Variants in ROBO2 observed in about 807,000 individuals in gnomAD.
ROBO2 encodes the protein roundabout homolog 2.
Under a neutral mutation model 160.8 loss-of-function variants are expected in ROBO2, and 53 were observed. That is an observed-to-expected ratio of 0.33 (90% CI 0.26 to 0.41). ROBO2 has a LOEUF of 0.41. ROBO2 is among the 10% of genes least tolerant of loss of function. The pLI, the probability that ROBO2 is intolerant of heterozygous loss-of-function variation, is 1.00. For missense variants in ROBO2, 1,577 were observed against 1,722.4 expected (o/e 0.92, Z 1.49); for synonymous variants, 664 against 611.7 (o/e 1.09, Z -1.26).
rs549289669 is a variant in ROBO2 at position 76,430,221 on chromosome 3, C to A, written c.109+492619C>A. Among the ~76,000 whole-genome samples, 65 of 152,234 alleles carry A rather than the reference C, an allele frequency of 4.3e-4. 1 individual carries two copies. Among genetic ancestry groups the A allele is most frequent in the African/African-American group, 1.5e-3 (63 of 41,540 alleles). ...AATCTATCAAGGTTTCCACCCACTA[C>A]CTTGGACAGGGTAGATCTTATAATG... On this transcript the variant is annotated intron_variant, in intron 2 of 26. Transcript: ENST00000487694.
At chr3:76,876,626 G>C (rs1559638259) in intron 2 of ROBO2, among the ~76,000 whole-genome samples, 1 of 151,584 alleles carries the variant, frequency 6.6e-6, no homozygotes, top group African/African-American at 2.4e-5. Context: ...AGTGAGCCGA[G>C]ATCATGCCAC....
chr3:77,381,900 G>A (rs2073522245), intron 2 of ROBO2, among the ~76,000 whole-genome samples: 1 of 152,074 alleles, frequency 6.6e-6, no homozygotes, highest in Admixed American at 6.6e-5. Context: ...TGGGGGGTGA[G>A]GGGCTATGTG....
chr3:76,145,384 G>A (rs996856548), intron 2 of ROBO2, among the ~76,000 whole-genome samples: 4 of 151,994 alleles, frequency 2.6e-5, no homozygotes, highest in Non-Finnish European at 5.9e-5. Context: ...TACAAATATG[G>A]TAAATTGAAC....
chr3:77,419,964 G>A (rs1002890200), intron 2 of ROBO2, among the ~76,000 whole-genome samples: 3 of 151,970 alleles, frequency 2.0e-5, no homozygotes, highest in Non-Finnish European at 4.4e-5. Flanking sequence ...CTTCTGAATC[G>A]AAGTTTCAGG....
At chr3:77,344,107 A>G (rs1212455358) in intron 2 of ROBO2, among the ~76,000 whole-genome samples, 2 of 152,140 alleles carry the variant, frequency 1.3e-5, no homozygotes, top group East Asian at 1.9e-4. Context: ...TTGATATAGC[A>G]GGATGGGCTA....
At chr3:76,802,954 C>T (rs538298053) in intron 2 of ROBO2, among the ~76,000 whole-genome samples, 1 of 152,090 alleles carries the variant, frequency 6.6e-6, no homozygotes, top group African/African-American at 2.4e-5. Context: ...GGAAGGCTAT[C>T]TAGATAGTTG....
chr3:76,823,492 G>T lies in ROBO2; in HGVS notation c.110-274522G>T, dbSNP rs374530993. ...ATATCTAGGTGTTCAAGACAGGAGG[G>T]TTCTCACTCAGAAATTGATATTTGG... On this transcript the variant is annotated intron_variant, in intron 2 of 26. Transcript: ENST00000487694. Among the ~76,000 whole-genome samples, 42 of 152,224 alleles carry T rather than the reference G, an allele frequency of 2.8e-4. No homozygotes were observed. In the South Asian group the frequency reaches 2.9e-3, roughly 11 times the overall value.
At chr3:76,950,759 C>T (rs941259011) in intron 2 of ROBO2, among the ~76,000 whole-genome samples, 5 of 152,142 alleles carry the variant, frequency 3.3e-5, no homozygotes. Context: ...CAGGTTCTCA[C>T]TCTGTTGCCC....
chr3:77,607,129 G>A (rs1454196259), intron 20 of ROBO2, among the ~76,000 whole-genome samples: 2 of 152,116 alleles, frequency 1.3e-5, no homozygotes, highest in East Asian at 3.9e-4. Flanking sequence ...GAATGCCACT[G>A]AAACTGATTA....
At chr3:77,258,385 A>G (rs1400489101) in intron 2 of ROBO2, among the ~76,000 whole-genome samples, 1 of 152,174 alleles carries the variant, frequency 6.6e-6, no homozygotes, top group Admixed American at 6.6e-5. Flanking sequence ...CTAATTGTAT[A>G]TTCCTCCCCA....
intron 1 of ROBO2, among the ~76,000 whole-genome samples, chr3:77,077,692 T>A (rs1446212925): frequency 6.6e-6 from 1 of 152,198 alleles, no homozygotes; most frequent in Non-Finnish European, 1.5e-5. Flanking sequence ...TTTTTCAGAG[T>A]AGCATGCAGT....
intron 2 of ROBO2, among the ~76,000 whole-genome samples, chr3:76,703,493 C>G (rs1425419034): frequency 6.6e-6 from 1 of 152,054 alleles, no homozygotes; most frequent in African/African-American, 2.4e-5. Flanking sequence ...TTAGGTATTT[C>G]TCCTAATGCT....
intron 2 of ROBO2, among the ~76,000 whole-genome samples, chr3:77,278,790 T>C (rs1046577918): frequency 6.6e-6 from 1 of 152,048 alleles, no homozygotes; most frequent in Non-Finnish European, 1.5e-5. Flanking sequence ...TTGCCAGTTG[T>C]GGAGATAGTA....
intron 2 of ROBO2, among the ~76,000 whole-genome samples, chr3:76,300,583 A>G (rs1709304490): frequency 6.6e-6 from 1 of 152,026 alleles, no homozygotes; most frequent in Non-Finnish European, 1.5e-5. Context: ...TTAATTAACA[A>G]ATTCTTCTAC....
chr3:76,246,612 T>C (rs1343041914), intron 2 of ROBO2, among the ~76,000 whole-genome samples: 1 of 152,120 alleles, frequency 6.6e-6, no homozygotes, highest in Non-Finnish European at 1.5e-5. Flanking sequence ...TTAGTATTAT[T>C]CCCTAGAAGT....
At chr3:76,400,527 T>A (rs1332607255) in intron 2 of ROBO2, among the ~76,000 whole-genome samples, 1 of 151,520 alleles carries the variant, frequency 6.6e-6, no homozygotes, top group Admixed American at 6.6e-5. Flanking sequence ...CAAAGAAACA[T>A]ACAGGACAAA....
chr3:76,185,130 A>G (rs1176686907), intron 2 of ROBO2, among the ~76,000 whole-genome samples: 3 of 146,110 alleles, frequency 2.1e-5, no homozygotes, highest in African/African-American at 5.0e-5. Flanking sequence ...ACAAAATTGT[A>G]GCCATTTTTT....
At chr3:76,595,894 A>C (rs1263679103) in intron 2 of ROBO2, among the ~76,000 whole-genome samples, 2 of 151,414 alleles carry the variant, frequency 1.3e-5, no homozygotes, top group Non-Finnish European at 3.0e-5. Context: ...GTCTTCAAAC[A>C]CCCGTGAGCC....
chr3:76,104,231 C>G (rs923946715), intron 2 of ROBO2, among the ~76,000 whole-genome samples: 1 of 152,144 alleles, frequency 6.6e-6, no homozygotes, highest in Non-Finnish European at 1.5e-5. Context: ...AACCTTTTAG[C>G]TTTAGCAAAT....
Sources: gnomAD v4.1 joint callset for allele counts (sites outside exome capture counted in the v4.1 genomes callset) on GRCh38, gnomAD v4.1.1 for gene constraint, MANE v1.5 for transcripts, NCBI Gene and HGNC (gene_info 2026-07-23, HGNC 2026-07-21) for gene names.